The following DYRK1A variants were observed in gnomAD, a reference collection of about 807,000 sequenced individuals.
DYRK1A encodes dual specificity tyrosine-phosphorylation-regulated kinase 1A.
A neutral mutation model predicts 79.7 loss-of-function variants in DYRK1A; 9 were observed. That is an observed-to-expected ratio of 0.11 (90% CI 0.07 to 0.20). The LOEUF is 0.20. Ranked by LOEUF, DYRK1A falls within the 10% of genes least tolerant of loss-of-function variation. DYRK1A has a pLI of 1.00. For missense variants in DYRK1A, 622 were observed against 956.0 expected, an observed-to-expected ratio of 0.65 and a Z score of 4.61; for synonymous variants, 349 against 329.7, an observed-to-expected ratio of 1.06 and a Z score of -0.63.
intron 2 of DYRK1A, among the ~76,000 whole-genome samples, chr21:37,446,075 A>G (rs2051260532): frequency 6.6e-6 from 1 of 151,888 alleles, no homozygotes; most frequent in South Asian, 2.1e-4. Flanking sequence ...AGAGTATCTT[A>G]GGCGTTAAGA....
At position 37,480,635 on chromosome 21, in the gene DYRK1A, C is replaced by T. The variant is rs752671149; in HGVS notation, c.301-3C>T. On this transcript the variant is annotated splice_polypyrimidine_tract_variant and splice_region_variant and intron_variant, in intron 4 of 11. Coordinates refer to ENST00000647188, the MANE Select transcript of DYRK1A (RefSeq NM_001347721.2). ...CAGTTAACACTATGTATTCTCATTTCAGGTTTACTATGCAAAAAAGAAGCG... is the reference window on the plus strand; with the variant it reads ...CAGTTAACACTATGTATTCTCATTTTAGGTTTACTATGCAAAAAAGAAGCG... 6.3e-7 allele frequency: 1 copy of T among 1,579,912 alleles called. No individual in the cohort carries two copies.
At chr21:37,394,648 CAT>C (rs942221265) in intron 1 of DYRK1A, among the ~76,000 whole-genome samples, 58 of 152,130 alleles carry the variant, frequency 3.8e-4, no homozygotes, top group Admixed American at 1.3e-4. Context: ...GTGAACTGCA[CAT>C]GTGAGGGATC....
chr21:37,366,477 C>A (rs1008663779), upstream of DYRK1A, among the ~76,000 whole-genome samples: 110 of 148,980 alleles, frequency 7.4e-4, no homozygotes, highest in African/African-American at 2.3e-3. Context: ...CCTCGCCCCC[C>A]CTTCCCCAGC....
At chr21:37,471,425 G>A (rs986658403) in intron 2 of DYRK1A, among the ~76,000 whole-genome samples, 4 of 152,236 alleles carry the variant, frequency 2.6e-5, no homozygotes, top group African/African-American at 9.6e-5. Flanking sequence ...CATTCAGGTA[G>A]AGATGGTATG....
In DYRK1A at chr21:37,512,696, A is replaced by T; in HGVS notation, c.*165A>T. On this transcript the variant is annotated 3_prime_UTR_variant, in exon 12 of 12. Transcript: ENST00000647188. The stretch of plus-strand genomic sequence containing the variant: ...TTTAACTTGAAAAGATTGCAAAGGG[A>T]CATTGAAGTGTTTAAAAGAGCCATG... 1 of 772,754 alleles carries T rather than the reference A, an allele frequency of 1.3e-6. No homozygotes were observed. Among genetic ancestry groups the T allele is most frequent in the Admixed American group, 2.9e-5 (1 of 34,312 alleles). The allele number at this position is 772,754 out of a possible 1,614,324, so 47.9% of individuals were successfully genotyped here.
At chr21:37,498,427 G>A (rs2053339965) in intron 9 of DYRK1A, among the ~76,000 whole-genome samples, 1 of 152,142 alleles carries the variant, frequency 6.6e-6, no homozygotes, top group Non-Finnish European at 1.5e-5. Context: ...GGCAAACTTA[G>A]TATAATTGGA....
At chr21:37,436,948 G>A (rs2050942478) in intron 2 of DYRK1A, among the ~76,000 whole-genome samples, 1 of 152,192 alleles carries the variant, frequency 6.6e-6, no homozygotes, top group Non-Finnish European at 1.5e-5. Flanking sequence ...AGAAGAGGGA[G>A]AAATTTTTGG....
intron 5 of DYRK1A, among the ~76,000 whole-genome samples, chr21:37,485,887 T>TGC (rs990655011): frequency 3.3e-5 from 5 of 152,202 alleles, no homozygotes; most frequent in Admixed American, 1.3e-4. Context: ...TTATGGCGTT[T>TGC]GTGGCATTGT....
intron 2 of DYRK1A, among the ~76,000 whole-genome samples, chr21:37,440,432 C>T (rs2051068201): frequency 6.6e-6 from 1 of 152,016 alleles, no homozygotes; most frequent in Non-Finnish European, 1.5e-5. Flanking sequence ...CCACTGCGCC[C>T]AGCTTCATTT....
chr21:37,483,261 A>G (rs938402178), intron 5 of DYRK1A, among the ~76,000 whole-genome samples: 5 of 152,222 alleles, frequency 3.3e-5, no homozygotes, highest in Admixed American at 2.6e-4. Flanking sequence ...AATCTTCACA[A>G]TCCATGTTCT....
At chr21:37,390,255 C>G (rs1404554577) in intron 1 of DYRK1A, among the ~76,000 whole-genome samples, 2 of 152,086 alleles carry the variant, frequency 1.3e-5, no homozygotes, top group Non-Finnish European at 2.9e-5. Context: ...ATTTTGGGGT[C>G]TTATTACCTT....
chr21:37,482,536 C>T (rs898553759), intron 5 of DYRK1A, among the ~76,000 whole-genome samples: 2 of 152,076 alleles, frequency 1.3e-5, no homozygotes, highest in Admixed American at 1.3e-4. Context: ...CAAATGGAGG[C>T]AGGGCGAGAT....
intron 9 of DYRK1A, among the ~76,000 whole-genome samples, chr21:37,499,354 G>A (rs1008517096): frequency 6.6e-6 from 1 of 152,184 alleles, no homozygotes; most frequent in Non-Finnish European, 1.5e-5. Flanking sequence ...AGTAGTTACA[G>A]CAGCATTTGC....
intron 9 of DYRK1A, among the ~76,000 whole-genome samples, chr21:37,500,329 C>CT (rs759510269): frequency 9.2e-5 from 14 of 152,056 alleles, no homozygotes; most frequent in Non-Finnish European, 1.6e-4. Context: ...TACACTTGGC[C>CT]TTGATATACT....
In DYRK1A at chr21:37,514,729, GT is replaced by G. The variant is rs1244683402; in HGVS notation, c.*2201del. 2.6e-5 allele frequency: 4 copies of G among 152,518 alleles called. No individual in the cohort carries two copies. Among genetic ancestry groups the G allele is most frequent in the African/African-American group, 9.7e-5 (4 of 41,418 alleles). The allele number at this position is 152,518 out of a possible 1,614,324, so 9.4% of individuals were successfully genotyped here. ...TTTTTGAACTTGGTAGTTCATAAAG[GT>G]TTACAGTGAATAAAAGGATATCATC... On this transcript the variant is annotated 3_prime_UTR_variant, in exon 12 of 12. Coordinates refer to ENST00000647188, the MANE Select transcript of DYRK1A (RefSeq NM_001347721.2).
chr21:37,463,203 CGTGTGTGTGTGTGT>C (rs6147501), intron 2 of DYRK1A, among the ~76,000 whole-genome samples: 11 of 145,252 alleles, frequency 7.6e-5, no homozygotes, highest in South Asian at 2.2e-4. Context: ...AATGTTGGCA[CGTGTGTGTGTGTGT>C]GTGTGTGTGT....
chr21:37,464,711 AAATT>A (rs1422046745), intron 2 of DYRK1A, among the ~76,000 whole-genome samples: 1 of 152,192 alleles, frequency 6.6e-6, no homozygotes, highest in Non-Finnish European at 1.5e-5. Flanking sequence ...GAACCATATG[AAATT>A]ACTGTTTTTG....
In DYRK1A at chr21:37,474,088, G is replaced by C. The variant is rs145144520; in HGVS notation, c.207+1208G>C. Among the ~76,000 whole-genome samples, 589 of 152,248 alleles carry C rather than the reference G, an allele frequency of 3.9e-3. 5 individuals are homozygous for C. Among genetic ancestry groups the C allele is most frequent in the African/African-American group, 0.013 (551 of 41,538 alleles). On this transcript the variant is annotated intron_variant, in intron 3 of 11. Coordinates refer to ENST00000647188, the MANE Select transcript of DYRK1A (RefSeq NM_001347721.2). ...TGTGTTTCACAGCTGAAAGGACTGCGCTCCCATTTGTGACTTTTCCGTGTG... is the reference window on the plus strand; with the variant it reads ...TGTGTTTCACAGCTGAAAGGACTGCCCTCCCATTTGTGACTTTTCCGTGTG...
chr21:37,379,640 G>A (rs1278460025), intron 1 of DYRK1A, among the ~76,000 whole-genome samples: 1 of 152,180 alleles, frequency 6.6e-6, no homozygotes, highest in Non-Finnish European at 1.5e-5. Flanking sequence ...GTGGGAGAGG[G>A]CAATGTTTGA....
Sources: gnomAD v4.1 joint callset for allele counts (sites outside exome capture counted in the v4.1 genomes callset) on GRCh38, gnomAD v4.1.1 for gene constraint, MANE v1.5 for transcripts, NCBI Gene and HGNC (gene_info 2026-07-23, HGNC 2026-07-21) for gene names.